OTULINL: variants seen among roughly 807,000 people sequenced by gnomAD.
The protein encoded by OTULINL is OTU deubiquitinase with linear linkage specificity like, also known as inactive ubiquitin thioesterase OTULINL.
OTULINL carries 42 observed loss-of-function variants against 43.9 expected under a neutral mutation model. That is an observed-to-expected ratio of 0.96 (90% confidence interval 0.75 to 1.24). The LOEUF is 1.24. Among genes scored for constraint, OTULINL ranks in the 50% most tolerant of loss-of-function variants. The pLI, the probability that OTULINL is intolerant of heterozygous loss-of-function variation, is 0.00. For missense variants in OTULINL, 411 were observed against 426.4 expected (o/e 0.96, Z 0.32); for synonymous variants, 172 against 153.6 (o/e 1.12, Z -0.88).
chr5:14,614,472 T>A lies in OTULINL; in HGVS notation c.*4158T>A. 1 of 397,458 alleles carries A rather than the reference T, an allele frequency of 2.5e-6. No homozygotes were observed. The highest frequency in any genetic ancestry group is 4.4e-6 in the Non-Finnish European group (1 of 225,818). The allele number at this position is 397,458 out of a possible 1,614,324, so 24.6% of individuals were successfully genotyped here. ...GTTCAATCACTTCTATGTTATTTGT[T>A]CAGAATAGTGGATCTTTGCTTAATT... is the stretch of plus-strand genomic sequence containing the variant. On this transcript the variant is annotated 3_prime_UTR_variant, in exon 8 of 8. Coordinates refer to ENST00000274217, the MANE Select transcript of OTULINL (RefSeq NM_019018.3).
chr5:14,582,109 C>A, intron 1 of OTULINL, 151 bp downstream of exon 1: 1 of 506,512 alleles, frequency 2.0e-6, no homozygotes, highest in Non-Finnish European at 2.9e-6. Context: ...GGAGCTGGAG[C>A]GCGCCCCTGA....
At chr5:14,585,986 G>A (rs1759096428) in intron 1 of OTULINL, among the ~76,000 whole-genome samples, 1 of 152,256 alleles carries the variant, frequency 6.6e-6, no homozygotes, top group South Asian at 2.1e-4. Context: ...CTGGGTACAG[G>A]AGGAGAGAGA....
At position 14,581,846 on chromosome 5, in the gene OTULINL, A is replaced by G. The variant is rs370882613; in HGVS notation, c.-49A>G. 11 of 1,348,252 alleles carry G rather than the reference A, an allele frequency of 8.2e-6. No homozygotes were observed. Among genetic ancestry groups the G allele is most frequent in the African/African-American group, 1.5e-5 (1 of 64,994 alleles). 83.5% of individuals were successfully genotyped at this position (1,348,252 alleles called of 1,614,324 possible). A position where few individuals can be genotyped will look rare whatever the true frequency, so the allele number is the denominator to read the frequency against. On this transcript the variant is annotated 5_prime_UTR_variant, in exon 1 of 8. Transcript: ENST00000274217. ...GGGCGGCCGTCGCGTCTGACAGACCACTGCAGACCACGGGCCGAGGCCCAG... is the reference window on the plus strand; with the variant it reads ...GGGCGGCCGTCGCGTCTGACAGACCGCTGCAGACCACGGGCCGAGGCCCAG...
At chr5:14,591,878 T>C (rs151306703) in intron 1 of OTULINL, among the ~76,000 whole-genome samples, 9 of 152,306 alleles carry the variant, frequency 5.9e-5, no homozygotes, top group Non-Finnish European at 1.0e-4. Context: ...CAGAGTGGTT[T>C]TTCCATTTTT....
At chr5:14,599,007 TAAA>T (rs1234307807) in intron 1 of OTULINL, among the ~76,000 whole-genome samples, 1 of 152,186 alleles carries the variant, frequency 6.6e-6, no homozygotes, top group African/African-American at 2.4e-5. Context: ...GCTAAATTAA[TAAA>T]AATCTAAATT....
At position 14,608,816 on chromosome 5, in the gene OTULINL, T is replaced by C. The variant is rs1046537035; in HGVS notation, c.696T>C (p.Asp232=). 2 of 1,613,684 alleles carry C rather than the reference T, an allele frequency of 1.2e-6. No individual in the cohort carries two copies. ...RGSMCNTLFS[D]AILEYKLYEA... ...GTATGTGCAACACCCTTTTTTCAGA[T>C]GCCATTCTGGAATATAAACTTTATG... Residue 232 remains aspartate (D), a synonymous_variant, in exon 7 of 8, where the codon GAT becomes GAC. Coordinates refer to ENST00000274217, the MANE Select transcript of OTULINL (RefSeq NM_019018.3).
chr5:14,591,294 T>C (rs1348733807), intron 1 of OTULINL, among the ~76,000 whole-genome samples: 3 of 152,186 alleles, frequency 2.0e-5, no homozygotes, highest in African/African-American at 7.2e-5. Context: ...GAAAGGTAGA[T>C]ACAGATGTCA....
chr5:14,614,976 A>G lies in OTULINL; in HGVS notation c.*4662A>G. On this transcript the variant is annotated 3_prime_UTR_variant, in exon 8 of 8. Transcript: ENST00000274217. ...TCTTGGGAAGTTTAGTCAAGAGAATATCCTTGAATAAAGAAGTACATGTTT... is the reference window on the plus strand; with the variant it reads ...TCTTGGGAAGTTTAGTCAAGAGAATGTCCTTGAATAAAGAAGTACATGTTT... 3 of 388,316 alleles carry G rather than the reference A, an allele frequency of 7.7e-6. No individual in the cohort carries two copies. In the East Asian group the frequency reaches 1.1e-4, roughly 14 times the overall value. 24.1% of individuals were successfully genotyped at this position (388,316 alleles called of 1,614,324 possible).
chr5:14,585,046 C>T (rs1000298671), intron 1 of OTULINL, among the ~76,000 whole-genome samples: 11 of 152,104 alleles, frequency 7.2e-5, no homozygotes, highest in Admixed American at 1.3e-4. Context: ...ACATTCCCTC[C>T]GCATGCACTG....
intron 1 of OTULINL, among the ~76,000 whole-genome samples, 187 bp from the exon 2 acceptor site, chr5:14,600,778 A>C (rs1759371165): frequency 2.0e-5 from 3 of 152,202 alleles, no homozygotes; most frequent in Non-Finnish European, 4.4e-5. Context: ...GGAGAACCAT[A>C]AAGAAATTAA....
chr5:14,586,889 G>A (rs1759109524), intron 1 of OTULINL, among the ~76,000 whole-genome samples: 1 of 150,434 alleles, frequency 6.6e-6, no homozygotes, highest in Non-Finnish European at 1.5e-5. Context: ...AAAAAAAAAA[G>A]AAGCATACCT....
intron 1 of OTULINL, 123 bp from the exon 2 acceptor site, chr5:14,600,842 A>T: frequency 2.3e-6 from 2 of 859,636 alleles, no homozygotes; most frequent in South Asian, 3.9e-5. Flanking sequence ...ATATTTATGT[A>T]AATCAGTGAT....
chr5:14,596,876 G>C (rs1477565276), intron 1 of OTULINL, among the ~76,000 whole-genome samples: 2 of 152,138 alleles, frequency 1.3e-5, no homozygotes, highest in African/African-American at 4.8e-5. Flanking sequence ...TCAGCCACCA[G>C]TCCTGTCATG....
Position 14,599,610 on chromosome 5 carries a change from T to C in OTULINL, c.65-1355T>C, listed in dbSNP as rs995970913. On this transcript the variant is annotated intron_variant, in intron 1 of 7. Transcript: ENST00000274217. ...AACTGTCAAAATTTTAGATTCTACA[T>C]TGATGAGTCTTTTACTGGAGTTAAT... Among the ~76,000 whole-genome samples the C allele has an allele frequency of 2.6e-5, 4 of 152,234 alleles. No individual in the cohort carries two copies. In the South Asian group the frequency reaches 8.3e-4, roughly 31 times the overall value.
chr5:14,599,260 G>A (rs1275382745), intron 1 of OTULINL, among the ~76,000 whole-genome samples: 6 of 152,134 alleles, frequency 3.9e-5, no homozygotes, highest in Non-Finnish European at 8.8e-5. Flanking sequence ...AGGCTGAGGT[G>A]GGCGGGTTGC....
intron 1 of OTULINL, among the ~76,000 whole-genome samples, chr5:14,594,847 G>A (rs1292018676): frequency 6.6e-6 from 1 of 151,846 alleles, no homozygotes; most frequent in Non-Finnish European, 1.5e-5. Flanking sequence ...TCCTCTGCTT[G>A]CTCACCCACC....
chr5:14,598,103 G>C (rs900731191), intron 1 of OTULINL, among the ~76,000 whole-genome samples: 3 of 152,194 alleles, frequency 2.0e-5, no homozygotes, highest in Admixed American at 2.0e-4. Context: ...TTCCACAGGG[G>C]CTAGTTGGTA....
At chr5:14,586,771 T>C (rs1759106943) in intron 1 of OTULINL, among the ~76,000 whole-genome samples, 2 of 152,130 alleles carry the variant, frequency 1.3e-5, no homozygotes, top group South Asian at 4.1e-4. Context: ...TTAGGGTTAG[T>C]CTTCTAGGAG....
Position 14,609,998 on chromosome 5 carries a change from CTG to C in OTULINL, c.898-140_898-139del, listed in dbSNP as rs201877062. 1,042 of 623,012 alleles carry C rather than the reference CTG, an allele frequency of 1.7e-3. 11 individuals are homozygous for C. The African/African-American group carries it at 0.017, about 10-fold the overall frequency. The allele number at this position is 623,012 out of a possible 1,614,324, so 38.6% of individuals were successfully genotyped here. The stretch of plus-strand genomic sequence containing the variant: ...ACACAATGAGCATTTGTTCTGAACT[CTG>C]TGCCCACTCAGTGGTGTATGGGTGG... On this transcript the variant is annotated intron_variant, in intron 7 of 7. Coordinates refer to ENST00000274217, the MANE Select transcript of OTULINL (RefSeq NM_019018.3).
Sources: allele counts gnomAD v4.1 joint callset (sites outside exome capture counted in the v4.1 genomes callset), GRCh38; gene constraint gnomAD v4.1.1; transcripts MANE v1.5; gene names NCBI Gene and HGNC (gene_info 2026-07-23, HGNC 2026-07-21).